The following PDX1 variants were observed in gnomAD, a reference collection of about 807,000 sequenced individuals.
PDX1 encodes pancreatic and duodenal homeobox 1.
Under a neutral mutation model 11.1 loss-of-function variants are expected in PDX1, and 7 were observed. The ratio of observed to expected loss-of-function variants is 0.63; its 90% confidence interval spans 0.36 to 1.19. The LOEUF (loss-of-function observed/expected upper bound fraction) is 1.19. PDX1 is among the 50% of genes most tolerant of loss of function. PDX1 has a pLI of 0.02. For synonymous variants in PDX1, 232 were observed against 196.2 expected (o/e 1.18, Z -1.53); for missense variants, 449 against 412.1 (o/e 1.09, Z -0.78).
Position 27,924,475 on chromosome 13 carries a change from G to C in PDX1, c.626G>C (p.Arg209Pro). Reference sequence around the variant, plus strand: ...TGGAAAAAGGAGGAGGACAAGAAGCGCGGCGGCGGGACAGCTGTCGGGGGT... The same window carrying C: ...TGGAAAAAGGAGGAGGACAAGAAGCCCGGCGGCGGGACAGCTGTCGGGGGT... ...MKWKKEEDKK[R>P]GGGTAVGGGG... The change falls in exon 2 of 2, where the codon CGC (arginine) becomes CCC (proline). Residue 209 changes from arginine to proline, a missense_variant. Around this residue, in one of 3 missense-constraint regions of PDX1, gnomAD observed 139 missense variants for 121.4 expected, o/e 1.14. Coordinates refer to ENST00000381033, the MANE Select transcript of PDX1 (RefSeq NM_000209.4). This position sits in a 1 kb window ranked among gnomAD's most constrained non-coding sequence, Gnocchi z 4.8. 6.2e-7 allele frequency: 1 copy of C among 1,612,916 alleles called. No homozygotes were observed. Among genetic ancestry groups the C allele is most frequent in the South Asian group, 1.1e-5 (1 of 91,052 alleles).
Position 27,920,485 on chromosome 13 carries a change from A to T in PDX1, c.347A>T (p.Gln116Leu), listed in dbSNP as rs1417541104. 1.9e-6 allele frequency: 3 copies of T among 1,611,578 alleles called. No homozygotes were observed. The highest frequency in any genetic ancestry group is 2.5e-6 in the Non-Finnish European group (3 of 1,179,516). Residue 116 changes from glutamine (Q) to leucine (L), a missense_variant, in exon 1 of 2, where the codon CAG (glutamine) becomes CTG (leucine). Gln to Leu is a moderately radical substitution (Grantham distance 113). This residue lies in a region of PDX1 where 263 missense variants were observed against 212.5 expected (regional missense o/e 1.24). Transcript: ENST00000381033. ...GTCCTGGAGGAGCCCAACCGCGTCC[A>T]GCTGCCTTTCCCATGGATGAAGTCT... ...PGVLEEPNRV[Q>L]LPFPWMKSTK... is the part of the protein sequence containing the mutation.
chr13:27,921,720 T>C (rs939729163), intron 1 of PDX1, among the ~76,000 whole-genome samples: 3 of 151,850 alleles, frequency 2.0e-5, no homozygotes, highest in African/African-American at 7.2e-5. Context: ...GACCCCAGCT[T>C]GCCTGGGGTC....
At chr13:27,921,022 C>A (rs1392190731) in intron 1 of PDX1, among the ~76,000 whole-genome samples, 1 of 152,166 alleles carries the variant, frequency 6.6e-6, no homozygotes, top group Non-Finnish European at 1.5e-5. Context: ...TAAGGAAGGG[C>A]AGGCATCTAG....
chr13:27,921,070 G>A (rs1212393090), intron 1 of PDX1, among the ~76,000 whole-genome samples: 3 of 152,200 alleles, frequency 2.0e-5, no homozygotes, highest in African/African-American at 7.2e-5. Context: ...GGAGGGAAAG[G>A]AAACTGCACC....
chr13:27,925,511 C>A lies in PDX1; in HGVS notation c.*810C>A. The A allele has an allele frequency of 5.9e-6, 1 of 169,508 alleles. No homozygotes were observed. The highest frequency in any genetic ancestry group is 1.2e-5 in the Non-Finnish European group (1 of 81,786). The allele number at this position is 169,508 out of a possible 1,614,324, so 10.5% of individuals were successfully genotyped here. A position where few individuals can be genotyped will look rare whatever the true frequency, so the allele number is the denominator to read the frequency against. On this transcript the variant is annotated 3_prime_UTR_variant, in exon 2 of 2. Coordinates refer to ENST00000381033, the MANE Select transcript of PDX1 (RefSeq NM_000209.4). ...TCTTCCTCCTCTTCCACGTGCTCTC[C>A]TTTCCTCCCCCTCCTCTTGCTCCCC...
At position 27,920,475 on chromosome 13, in the gene PDX1, A is replaced by G; in HGVS notation, c.337A>G (p.Asn113Asp). 6.2e-7 allele frequency: 1 copy of G among 1,609,750 alleles called. No homozygotes were observed. The highest frequency in any genetic ancestry group is 8.5e-7 in the Non-Finnish European group (1 of 1,178,710). ...GAEPGVLEEP[N>D]RVQLPFPWMK... Reference sequence around the variant, plus strand: ...CGAGCCGGGCGTCCTGGAGGAGCCCAACCGCGTCCAGCTGCCTTTCCCATG... The same window carrying G: ...CGAGCCGGGCGTCCTGGAGGAGCCCGACCGCGTCCAGCTGCCTTTCCCATG... Residue 113 changes from asparagine (N) to aspartate (D), a missense_variant, in exon 1 of 2, where the codon AAC becomes GAC. Asn to Asp is a conservative substitution (Grantham distance 23). Coordinates refer to ENST00000381033, the MANE Select transcript of PDX1 (RefSeq NM_000209.4).
intron 1 of PDX1, among the ~76,000 whole-genome samples, chr13:27,920,987 G>A (rs907949621): frequency 5.9e-5 from 9 of 152,178 alleles, no homozygotes; most frequent in African/African-American, 2.2e-4. Context: ...CGGAGCCCCG[G>A]AGCCCCTCAC....
intron 1 of PDX1, among the ~76,000 whole-genome samples, chr13:27,922,879 C>T (rs1037776858): frequency 6.6e-6 from 1 of 152,206 alleles, no homozygotes. Context: ...CGCTTCTCTC[C>T]CAGGCGTGGG....
In PDX1 at chr13:27,924,722, C is replaced by G. The variant is rs1215205647; in HGVS notation, c.*21C>G. 6.8e-7 allele frequency: 1 copy of G among 1,461,714 alleles called. No homozygotes were observed. Among genetic ancestry groups the G allele is most frequent in the African/African-American group, 1.5e-5 (1 of 68,244 alleles). 90.5% of individuals were successfully genotyped at this position (1,461,714 alleles called of 1,614,324 possible). A position where few individuals can be genotyped will look rare whatever the true frequency, so the allele number is the denominator to read the frequency against. ...GATGAGAGGCAGGAGCTGCTCCTGGCTGAGGGGCTTCAACCACTCGCCGAG... is the reference window on the plus strand; with the variant it reads ...GATGAGAGGCAGGAGCTGCTCCTGGGTGAGGGGCTTCAACCACTCGCCGAG... On this transcript the variant is annotated 3_prime_UTR_variant, in exon 2 of 2. Transcript: ENST00000381033. This position sits in a 1 kb window ranked among gnomAD's most constrained non-coding sequence, Gnocchi z 4.8.
rs1377872941 is a variant in PDX1, at chr13:27,924,293, G to A, written c.444G>A (p.Arg148=). 7 of 1,609,726 alleles carry A rather than the reference G, an allele frequency of 4.3e-6. No individual in the cohort carries two copies. The highest frequency in any genetic ancestry group is 5.1e-6 in the Non-Finnish European group (6 of 1,178,318). ...CTGCGGAGCCGGAGGAGAACAAGCG[G>A]ACGCGCACGGCCTACACGCGCGCAC... is the stretch of plus-strand genomic sequence containing the variant. ...AYAAEPEENK[R]TRTAYTRAQL... Residue 148 remains arginine, a synonymous_variant, in exon 2 of 2, where the codon CGG becomes CGA. Transcript: ENST00000381033. The surrounding 1 kb of genome is among the most constrained non-coding windows in gnomAD (Gnocchi z 4.8).
Position 27,924,883 on chromosome 13 carries a change from C to T in PDX1, c.*182C>T. 2.1e-6 allele frequency: 1 copy of T among 485,308 alleles called. No homozygotes were observed. The highest frequency in any genetic ancestry group is 3.4e-6 in the Non-Finnish European group (1 of 297,670). 30.1% of individuals were successfully genotyped at this position (485,308 alleles called of 1,614,324 possible). A position where few individuals can be genotyped will look rare whatever the true frequency, so the allele number is the denominator to read the frequency against. On this transcript the variant is annotated 3_prime_UTR_variant, in exon 2 of 2. Coordinates refer to ENST00000381033, the MANE Select transcript of PDX1 (RefSeq NM_000209.4). This position sits in a 1 kb window ranked among gnomAD's most constrained non-coding sequence, Gnocchi z 4.8. Reference sequence around the variant, plus strand: ...CAGGCGCATGTGCCAGTTGGGGCCCCGCGGGTAGATGCCGGCAGGCCTTCC... The same window carrying T: ...CAGGCGCATGTGCCAGTTGGGGCCCTGCGGGTAGATGCCGGCAGGCCTTCC...
At position 27,924,487 on chromosome 13, in the gene PDX1, C is replaced by T; in HGVS notation, c.638C>T (p.Thr213Ile). 6.2e-7 allele frequency: 1 copy of T among 1,612,516 alleles called. No individual in the cohort carries two copies. The highest frequency in any genetic ancestry group is 8.5e-7 in the Non-Finnish European group (1 of 1,179,772). ...KEEDKKRGGG[T>I]AVGGGGVAEP... Reference sequence around the variant, plus strand: ...GAGGACAAGAAGCGCGGCGGCGGGACAGCTGTCGGGGGTGGCGGGGTCGCG... The same window carrying T: ...GAGGACAAGAAGCGCGGCGGCGGGATAGCTGTCGGGGGTGGCGGGGTCGCG... Residue 213 changes from threonine (T) to isoleucine (I), a missense_variant, in exon 2 of 2, where the codon ACA (threonine) becomes ATA (isoleucine). This residue lies in a region of PDX1 where 139 missense variants were observed against 121.4 expected (regional missense o/e 1.14). Coordinates refer to ENST00000381033, the MANE Select transcript of PDX1 (RefSeq NM_000209.4). This position sits in a 1 kb window ranked among gnomAD's most constrained non-coding sequence, Gnocchi z 4.8.
chr13:27,924,491 T>A lies in PDX1; in HGVS notation c.642T>A (p.Ala214=), dbSNP rs763082291. 1 of 1,612,300 alleles carries A rather than the reference T, an allele frequency of 6.2e-7. No homozygotes were observed. Residue 214 remains alanine, a synonymous_variant, in exon 2 of 2, where the codon GCT becomes GCA. Transcript: ENST00000381033. The surrounding 1 kb of genome is among the most constrained non-coding windows in gnomAD (Gnocchi z 4.8). Reference sequence around the variant, plus strand: ...ACAAGAAGCGCGGCGGCGGGACAGCTGTCGGGGGTGGCGGGGTCGCGGAGC... The same window carrying A: ...ACAAGAAGCGCGGCGGCGGGACAGCAGTCGGGGGTGGCGGGGTCGCGGAGC... ...EEDKKRGGGT[A]VGGGGVAEPE...
At position 27,925,726 on chromosome 13, in the gene PDX1, G is replaced by C. The variant is rs1421924252; in HGVS notation, c.*1025G>C. 1 of 158,876 alleles carries C rather than the reference G, an allele frequency of 6.3e-6. No individual in the cohort carries two copies. Among genetic ancestry groups the C allele is most frequent in the East Asian group, 1.9e-4 (1 of 5,350 alleles). The allele number at this position is 158,876 out of a possible 1,614,324, so 9.8% of individuals were successfully genotyped here. A position where few individuals can be genotyped will look rare whatever the true frequency, so the allele number is the denominator to read the frequency against. On this transcript the variant is annotated 3_prime_UTR_variant, in exon 2 of 2. Coordinates refer to ENST00000381033, the MANE Select transcript of PDX1 (RefSeq NM_000209.4). ...TTGCACCCCTTTCTTCTGAGGAAGA[G>C]AACATCTTGCAAGGCAGGGCGAGCA... is the stretch of plus-strand genomic sequence containing the variant.
At chr13:27,923,483 C>CCGGCTGAAGTT (rs1410102079) in intron 1 of PDX1, among the ~76,000 whole-genome samples, 3 of 152,222 alleles carry the variant, frequency 2.0e-5, no homozygotes, top group African/African-American at 7.2e-5. Flanking sequence ...GGGCAGAAGT[C>CCGGCTGAAGTT]CGGCTGAAGT....
rs1313945630 is a variant in PDX1 at position 27,924,010 on chromosome 13, G to A, written c.407-246G>A. On this transcript the variant is annotated intron_variant, in intron 1 of 1. Transcript: ENST00000381033. This position sits in a 1 kb window ranked among gnomAD's most constrained non-coding sequence, Gnocchi z 4.8. ...TTGGCAGAGCCAAGCTTAGGCTCAC[G>A]GCGAGAGCTGACTCGAGTTTGGTCT... 1.3e-5 allele frequency among the ~76,000 whole-genome samples: 2 copies of A among 152,216 alleles called. No homozygotes were observed. Among genetic ancestry groups the A allele is most frequent in the East Asian group, 1.9e-4 (1 of 5,196 alleles).
rs1270111044 is a variant in PDX1 at position 27,925,852 on chromosome 13, G to C, written c.*1151G>C. ...GGGACGGGCCTGGATCTGGGGGTGAGGGAGAAAGATGGACCCCTGGGTGAC... is the reference window on the plus strand; with the variant it reads ...GGGACGGGCCTGGATCTGGGGGTGACGGAGAAAGATGGACCCCTGGGTGAC... On this transcript the variant is annotated 3_prime_UTR_variant, in exon 2 of 2. Transcript: ENST00000381033. 2.0e-5 allele frequency: 3 copies of C among 152,840 alleles called. No individual in the cohort carries two copies. The highest frequency in any genetic ancestry group is 4.4e-5 in the Non-Finnish European group (3 of 68,558). The allele number at this position is 152,840 out of a possible 1,614,324, so 9.5% of individuals were successfully genotyped here. A position where few individuals can be genotyped will look rare whatever the true frequency, so the allele number is the denominator to read the frequency against.
intron 1 of PDX1, among the ~76,000 whole-genome samples, chr13:27,921,028 T>A (rs1957782701): frequency 6.6e-6 from 1 of 152,070 alleles, no homozygotes; most frequent in Non-Finnish European, 1.5e-5. Flanking sequence ...AGGGCAGGCA[T>A]CTAGGGGCGC....
Position 27,924,727 on chromosome 13 carries a change from G to T in PDX1, c.*26G>T. 2.1e-6 allele frequency: 3 copies of T among 1,449,494 alleles called. No homozygotes were observed. Among genetic ancestry groups the T allele is most frequent in the Non-Finnish European group, 1.8e-6 (2 of 1,105,026 alleles). 89.8% of individuals were successfully genotyped at this position (1,449,494 alleles called of 1,614,324 possible). A position where few individuals can be genotyped will look rare whatever the true frequency, so the allele number is the denominator to read the frequency against. ...GAGGCAGGAGCTGCTCCTGGCTGAG[G>T]GGCTTCAACCACTCGCCGAGGAGGA... is the stretch of plus-strand genomic sequence containing the variant. On this transcript the variant is annotated 3_prime_UTR_variant, in exon 2 of 2. Transcript: ENST00000381033. The surrounding 1 kb of genome is among the most constrained non-coding windows in gnomAD (Gnocchi z 4.8).
Sources: gnomAD v4.1 joint callset for allele counts (sites outside exome capture counted in the v4.1 genomes callset) on GRCh38, gnomAD v4.1.1 for gene constraint, gnomAD v4.1.1 regional missense constraint, Gnocchi (gnomAD v3.1) non-coding constraint, MANE v1.5 for transcripts, NCBI Gene and HGNC (gene_info 2026-07-23, HGNC 2026-07-21) for gene names.